MYO10: variants seen among roughly 807,000 people sequenced by gnomAD.
MYO10 encodes unconventional myosin-X.
A neutral mutation model predicts 257.3 loss-of-function variants in MYO10; 133 were observed. That is an observed-to-expected ratio of 0.52 (90% CI 0.45 to 0.60). The LOEUF (loss-of-function observed/expected upper bound fraction) is 0.60. Ranked by LOEUF, MYO10 falls within the 20% of genes least tolerant of loss-of-function variation. The pLI is 0.00. For missense variants in MYO10, 2,399 were observed against 2,635.7 expected (o/e 0.91, Z 1.97); for synonymous variants, 1,104 against 1,028.6 (o/e 1.07, Z -1.40).
At chr5:16,856,393 T>C (rs1743960171) in intron 2 of MYO10, among the ~76,000 whole-genome samples, 1 of 151,870 alleles carries the variant, frequency 6.6e-6, no homozygotes. Flanking sequence ...CTACTAAAAA[T>C]ACAAAAACTA....
chr5:16,802,825 A>G (rs1742160430), intron 3 of MYO10, among the ~76,000 whole-genome samples: 1 of 152,100 alleles, frequency 6.6e-6, no homozygotes, highest in African/African-American at 2.4e-5. Flanking sequence ...TTTAAATAAA[A>G]AGTTTTAGAG....
At chr5:16,680,146 A>G (rs777440576) in intron 32 of MYO10, 42 bp from the exon 33 acceptor site, 6 of 1,584,338 alleles carry the variant, frequency 3.8e-6, no homozygotes, top group South Asian at 2.3e-5. Flanking sequence ...GTCAACGCCA[A>G]CCTCGGGGAC....
chr5:16,711,048 A>G, intron 20 of MYO10, 26 bp from the exon 21 acceptor site: 1 of 1,613,402 alleles, frequency 6.2e-7, no homozygotes, highest in Admixed American at 1.7e-5. Context: ...ACACAGGGTC[A>G]CCTTCTGCGA....
At chr5:16,928,649 T>G (rs56086931) in intron 1 of MYO10, among the ~76,000 whole-genome samples, 2 of 151,840 alleles carry the variant, frequency 1.3e-5, no homozygotes, top group Non-Finnish European at 2.9e-5. Flanking sequence ...ATCGAGACCA[T>G]TCTGGCCAAC....
intron 1 of MYO10, among the ~76,000 whole-genome samples, chr5:16,911,498 G>A (rs1456573113): frequency 6.6e-6 from 1 of 152,214 alleles, no homozygotes; most frequent in African/African-American, 2.4e-5. Context: ...TCGGGAGGCT[G>A]AGGCGGGGGG....
chr5:16,792,776 TC>T (rs1491002445), intron 4 of MYO10, among the ~76,000 whole-genome samples: 1 of 151,980 alleles, frequency 6.6e-6, no homozygotes, highest in African/African-American at 2.4e-5. Flanking sequence ...TGGCTGGGAG[TC>T]TTAGGCTGAC....
At chr5:16,708,862 T>C (rs1738466255) in intron 21 of MYO10, among the ~76,000 whole-genome samples, 1 of 152,214 alleles carries the variant, frequency 6.6e-6, no homozygotes, top group Non-Finnish European at 1.5e-5. Flanking sequence ...TGTGCCTGGC[T>C]TGCAATTTCT....
intron 3 of MYO10, among the ~76,000 whole-genome samples, chr5:16,802,289 T>C (rs1360330314): frequency 6.6e-6 from 1 of 152,188 alleles, no homozygotes; most frequent in African/African-American, 2.4e-5. Flanking sequence ...GCTATCGAAC[T>C]GTGCATTAAC....
chr5:16,761,740 C>T (rs923828063), intron 16 of MYO10, among the ~76,000 whole-genome samples, 194 bp from the exon 17 acceptor site: 1 of 152,120 alleles, frequency 6.6e-6, no homozygotes, highest in Non-Finnish European at 1.5e-5. Flanking sequence ...GCCTCAAATT[C>T]CTATGCCCAA....
chr5:16,719,564 C>T (rs1739056747), intron 19 of MYO10, among the ~76,000 whole-genome samples: 4 of 152,222 alleles, frequency 2.6e-5, no homozygotes, highest in Admixed American at 2.0e-4. Context: ...AGAGTGGATC[C>T]TTTCCTATCA....
chr5:16,810,113 C>T (rs1477150689), intron 3 of MYO10, among the ~76,000 whole-genome samples: 1 of 152,210 alleles, frequency 6.6e-6, no homozygotes. Flanking sequence ...ACAGAAACCT[C>T]TCCTGCTCTT....
intron 4 of MYO10, among the ~76,000 whole-genome samples, chr5:16,787,942 G>C (rs1741638361): frequency 6.6e-6 from 1 of 152,102 alleles, no homozygotes; most frequent in African/African-American, 2.4e-5. Flanking sequence ...ACAGGCGCCT[G>C]CCACCACGCC....
At chr5:16,692,289 A>G (rs1242369199) in intron 27 of MYO10, among the ~76,000 whole-genome samples, 1 of 151,822 alleles carries the variant, frequency 6.6e-6, no homozygotes, top group African/African-American at 2.4e-5. Flanking sequence ...GCATGGTGGT[A>G]GGCACCTGTA....
At position 16,759,716 on chromosome 5, in the gene MYO10, G is replaced by A. The variant is rs191234042; in HGVS notation, c.1740-1490C>T. Among the ~76,000 whole-genome samples, 349 of 152,230 alleles carry A rather than the reference G, an allele frequency of 2.3e-3. 2 individuals carry two copies. The highest frequency in any genetic ancestry group is 2.7e-3 in the Non-Finnish European group (184 of 68,022). ...TGCCTCTACTTAACATCAATACAGG[G>A]CTTTTATTTAAACGTATCGCATTAA... On this transcript the variant is annotated intron_variant, in intron 17 of 40. Coordinates refer to ENST00000513610, the MANE Select transcript of MYO10 (RefSeq NM_012334.3).
At chr5:16,689,178 T>G (rs999661423) in intron 28 of MYO10, among the ~76,000 whole-genome samples, 2 of 152,232 alleles carry the variant, frequency 1.3e-5, no homozygotes, top group Non-Finnish European at 1.5e-5. Flanking sequence ...ATGGTAATAA[T>G]TAATGTCTAC....
intron 1 of MYO10, among the ~76,000 whole-genome samples, chr5:16,884,331 G>C (rs989536111): frequency 4.6e-5 from 7 of 151,972 alleles, no homozygotes; most frequent in African/African-American, 4.8e-5. Flanking sequence ...GGAAGTAAAG[G>C]GTACTGTGAG....
chr5:16,771,879 C>T (rs1484235432), intron 9 of MYO10, among the ~76,000 whole-genome samples: 1 of 150,024 alleles, frequency 6.7e-6, no homozygotes, highest in Non-Finnish European at 1.5e-5. Flanking sequence ...CCGTGCCCAG[C>T]CAGGAACTTA....
chr5:16,678,156 T>A (rs1422009960), intron 33 of MYO10, among the ~76,000 whole-genome samples: 1 of 152,220 alleles, frequency 6.6e-6, no homozygotes, highest in Admixed American at 6.5e-5. Context: ...GGCTGATACA[T>A]GATAGTTTTA....
Position 16,766,283 on chromosome 5 carries a change from A to T in MYO10, c.1061-85T>A, listed in dbSNP as rs969866149. ...AGCGATACCTTAACGCAGAGAACAC[A>T]CCTGAATCCCTCACGCAGAGTTTAG... On this transcript the variant is annotated intron_variant, in intron 10 of 40. Coordinates refer to ENST00000513610, the MANE Select transcript of MYO10 (RefSeq NM_012334.3). 3.2e-6 allele frequency: 3 copies of T among 950,092 alleles called. No homozygotes were observed. The Admixed American group carries it at 6.3e-5, about 20-fold the overall frequency. 58.9% of individuals were successfully genotyped at this position (950,092 alleles called of 1,614,324 possible).
Sources: allele counts gnomAD v4.1 joint callset (sites outside exome capture counted in the v4.1 genomes callset), GRCh38; gene constraint gnomAD v4.1.1; transcripts MANE v1.5; gene names NCBI Gene and HGNC (gene_info 2026-07-23, HGNC 2026-07-21).